The following KCNH7 variants were observed in gnomAD, a reference collection of about 807,000 sequenced individuals.
KCNH7 encodes the protein potassium voltage-gated channel subfamily H member 7.
In KCNH7, 49 loss-of-function variants were observed where a neutral mutation model predicts 120.8. The observed-to-expected ratio is 0.41, with a 90% CI of 0.32 to 0.51. KCNH7 has a LOEUF of 0.51. Ranked by LOEUF, KCNH7 falls within the 20% of genes least tolerant of loss-of-function variation. The pLI, the probability that KCNH7 is intolerant of heterozygous loss-of-function variation, is 0.38. For missense variants in KCNH7, 1,097 were observed against 1,446.6 expected (o/e 0.76, Z 3.92); for synonymous variants, 547 against 516.1 (o/e 1.06, Z -0.81).
intron 2 of KCNH7, among the ~76,000 whole-genome samples, chr2:162,829,849 G>GTTTT (rs5835923): frequency 2.2e-5 from 3 of 136,130 alleles, no homozygotes; most frequent in East Asian, 2.1e-4. Context: ...AACTTTATCT[G>GTTTT]TTTTTTTTTT....
intron 2 of KCNH7, among the ~76,000 whole-genome samples, chr2:162,792,546 T>C (rs1683984974): frequency 6.6e-6 from 1 of 152,078 alleles, no homozygotes; most frequent in Non-Finnish European, 1.5e-5. Context: ...CCATTTCTTC[T>C]AAATTTTCTA....
chr2:162,539,329 A>G (rs1324392202), intron 2 of KCNH7, among the ~76,000 whole-genome samples: 2 of 152,124 alleles, frequency 1.3e-5, no homozygotes. Context: ...TGGATCATTT[A>G]GAATATCATT....
At chr2:162,441,999 CTTTTTTTTTTTTTTTTTTTTT>C (rs779418084) in intron 7 of KCNH7, among the ~76,000 whole-genome samples, 5 of 41,578 alleles carry the variant, frequency 1.2e-4, no homozygotes, top group Non-Finnish European at 1.5e-4. Flanking sequence ...GTTAGGTCTT[CTTTTTTTTTTTTTTTTTTTTT>C]TTTTTTTTTT....
intron 6 of KCNH7, among the ~76,000 whole-genome samples, chr2:162,484,835 T>C (rs760281647): frequency 6.6e-6 from 1 of 152,180 alleles, no homozygotes; most frequent in Admixed American, 6.5e-5. Flanking sequence ...TCTCTCACCA[T>C]GTGATCTCTG....
At chr2:162,821,315 A>G (rs1685114222) in intron 2 of KCNH7, among the ~76,000 whole-genome samples, 1 of 152,256 alleles carries the variant, frequency 6.6e-6, no homozygotes, top group Non-Finnish European at 1.5e-5. Context: ...CTCTTTACTA[A>G]GAACCTTCAA....
intron 2 of KCNH7, among the ~76,000 whole-genome samples, chr2:162,673,060 A>T (rs184123499): frequency 2.0e-5 from 3 of 152,220 alleles, no homozygotes; most frequent in Admixed American, 6.5e-5. Flanking sequence ...ACTTTATAAT[A>T]GTTCCACATG....
At chr2:162,733,601 A>T (rs1375848422) in intron 2 of KCNH7, among the ~76,000 whole-genome samples, 8 of 152,196 alleles carry the variant, frequency 5.3e-5, no homozygotes. Context: ...CATGAGCCAA[A>T]AGTGATTGTT....
intron 3 of KCNH7, among the ~76,000 whole-genome samples, chr2:162,527,328 G>A (rs1691742883): frequency 2.6e-5 from 4 of 151,964 alleles, no homozygotes; most frequent in Admixed American, 6.6e-5. Flanking sequence ...TGTTTCTATA[G>A]TAATGCTTAC....
intron 2 of KCNH7, among the ~76,000 whole-genome samples, chr2:162,642,521 A>G (rs958148432): frequency 2.6e-5 from 4 of 152,218 alleles, no homozygotes; most frequent in African/African-American, 9.6e-5. Context: ...TTAGCTAATC[A>G]CAGTACTTCC....
chr2:162,753,535 T>TG (rs1315120201), intron 2 of KCNH7, among the ~76,000 whole-genome samples: 1 of 152,126 alleles, frequency 6.6e-6, no homozygotes, highest in Non-Finnish European at 1.5e-5. Flanking sequence ...TCTATCCTAA[T>TG]GGTGGTGCTA....
chr2:162,535,598 T>C (rs1196395114), intron 3 of KCNH7, among the ~76,000 whole-genome samples: 3 of 151,774 alleles, frequency 2.0e-5, no homozygotes, highest in East Asian at 3.9e-4. Context: ...TACACCATTA[T>C]AGAGACATCA....
At chr2:162,661,106 A>C (rs1165590733) in intron 2 of KCNH7, among the ~76,000 whole-genome samples, 10 of 152,230 alleles carry the variant, frequency 6.6e-5, no homozygotes, top group Admixed American at 6.5e-4. Context: ...ATACATTCCA[A>C]TGCAAGATTC....
chr2:162,750,291 T>C (rs1029671629), intron 2 of KCNH7, among the ~76,000 whole-genome samples: 4 of 150,054 alleles, frequency 2.7e-5, no homozygotes, highest in African/African-American at 1.0e-4. Context: ...GAGAAGGCCC[T>C]AGAACTTAAC....
At chr2:162,689,031 C>A (rs900404112) in intron 2 of KCNH7, among the ~76,000 whole-genome samples, 2 of 151,972 alleles carry the variant, frequency 1.3e-5, no homozygotes, top group Non-Finnish European at 2.9e-5. Context: ...TCCCCAATTG[C>A]CCAAGTCACT....
chr2:162,645,234 G>A lies in KCNH7; in HGVS notation c.308-108154C>T, dbSNP rs186386696. 4.6e-3 allele frequency among the ~76,000 whole-genome samples: 703 copies of A among 152,058 alleles called. 7 individuals carry two copies. Among genetic ancestry groups the A allele is most frequent in the African/African-American group, 0.016 (672 of 41,488 alleles). On this transcript the variant is annotated intron_variant, in intron 2 of 15. Coordinates refer to ENST00000332142, the MANE Select transcript of KCNH7 (RefSeq NM_033272.4). The stretch of plus-strand genomic sequence containing the variant: ...GTGATCTTGGCTCACTGCAACCTCC[G>A]CCTCCCGGGTTCAAGTGATTCTCTT...
At chr2:162,549,622 T>C (rs1222197309) in intron 2 of KCNH7, among the ~76,000 whole-genome samples, 3 of 151,986 alleles carry the variant, frequency 2.0e-5, no homozygotes, top group Admixed American at 6.6e-5. Context: ...ACAGAAGAAC[T>C]GAAAAAAATA....
chr2:162,413,225 T>A (rs972156191), intron 9 of KCNH7, among the ~76,000 whole-genome samples: 2 of 152,080 alleles, frequency 1.3e-5, no homozygotes, highest in South Asian at 4.1e-4. Context: ...ACCTCCTGGC[T>A]TCAGGACATT....
chr2:162,489,904 C>T (rs1348104965), intron 6 of KCNH7, among the ~76,000 whole-genome samples: 1 of 152,194 alleles, frequency 6.6e-6, no homozygotes, highest in African/African-American at 2.4e-5. Flanking sequence ...CAATTTTGTA[C>T]TCCTGCATTA....
intron 2 of KCNH7, among the ~76,000 whole-genome samples, chr2:162,695,851 TG>T (rs1686269323): frequency 6.6e-6 from 1 of 152,038 alleles, no homozygotes. Context: ...CATATAAAAG[TG>T]GGGTAAAGGA....
Sources: gnomAD v4.1 joint callset for allele counts (sites outside exome capture counted in the v4.1 genomes callset) on GRCh38, gnomAD v4.1.1 for gene constraint, MANE v1.5 for transcripts, NCBI Gene and HGNC (gene_info 2026-07-23, HGNC 2026-07-21) for gene names.